Variants in DYNC1H1 observed in about 807,000 individuals in gnomAD.
The protein encoded by DYNC1H1 is dynein cytoplasmic 1 heavy chain 1, also known as cytoplasmic dynein 1 heavy chain 1.
A neutral mutation model predicts 527.1 loss-of-function variants in DYNC1H1; 51 were observed. That is an observed-to-expected ratio of 0.10 (90% CI 0.08 to 0.12). The LOEUF is 0.12. Among genes scored for constraint, DYNC1H1 ranks in the 10% least tolerant of loss-of-function variants. The pLI, the probability that DYNC1H1 is intolerant of heterozygous loss-of-function variation, is 1.00. For missense variants in DYNC1H1, 2,771 were observed against 5,971.8 expected, an observed-to-expected ratio of 0.46 and a Z score of 17.66; for synonymous variants, 2,189 against 2,278.8, an observed-to-expected ratio of 0.96 and a Z score of 1.12.
Position 101,997,419 on chromosome 14 carries a change from G to A in DYNC1H1, c.3804+145G>A. 1 of 1,423,820 alleles carries A rather than the reference G, an allele frequency of 7.0e-7. No homozygotes were observed. Among genetic ancestry groups the A allele is most frequent in the Non-Finnish European group, 9.5e-7 (1 of 1,049,268 alleles). 88.2% of individuals were successfully genotyped at this position (1,423,820 alleles called of 1,614,324 possible). A position where few individuals can be genotyped will look rare whatever the true frequency, so the allele number is the denominator to read the frequency against. The stretch of plus-strand genomic sequence containing the variant: ...CCTTTTTGTAGTTAAAAAAGCAGAT[G>A]GAGATAGCAAATGTGAAAATATGAA... On this transcript the variant is annotated intron_variant, in intron 16 of 77. Coordinates refer to ENST00000360184, the MANE Select transcript of DYNC1H1 (RefSeq NM_001376.5). The surrounding 1 kb of genome is among the most constrained non-coding windows in gnomAD (Gnocchi z 4.8).
rs1240215575 is a variant in DYNC1H1, at chr14:102,033,016, CCTTG to C, written c.10080-45_10080-42del. On this transcript the variant is annotated intron_variant, in intron 52 of 77. Transcript: ENST00000360184. The surrounding 1 kb of genome is among the most constrained non-coding windows in gnomAD (Gnocchi z 5.6). Reference sequence around the variant, plus strand: ...CCATTTTAATTTTATGAAAACTCTTCCTTGCTTTTGTCCTGCATGTGTTTAGAAA... The same window carrying C: ...CCATTTTAATTTTATGAAAACTCTTCCTTTTGTCCTGCATGTGTTTAGAAA... 5 of 1,573,964 alleles carry C rather than the reference CCTTG, an allele frequency of 3.2e-6. No homozygotes were observed. The highest frequency in any genetic ancestry group is 1.1e-5 in the South Asian group (1 of 90,114).
chr14:102,043,857 G>C lies in DYNC1H1; in HGVS notation c.12514-18G>C. On this transcript the variant is annotated intron_variant, in intron 69 of 77. Transcript: ENST00000360184. ...GCTGTTTTCTAATGACTCTGTGCTT[G>C]GTCACTTTCCTCACCAGTCTCCCAA... The C allele has an allele frequency of 6.2e-7, 1 of 1,614,116 alleles. No homozygotes were observed. Among genetic ancestry groups the C allele is most frequent in the South Asian group, 1.1e-5 (1 of 91,054 alleles).
At chr14:102,000,680 T>C (rs2048120535) in intron 18 of DYNC1H1, 1 of 496,874 alleles carries the variant, frequency 2.0e-6, no homozygotes, top group Admixed American at 3.2e-5. Context: ...GTTCAAGCGA[T>C]TCTCCTGCCT....
chr14:102,008,558 C>T (rs1229557111), intron 29 of DYNC1H1, among the ~76,000 whole-genome samples: 2 of 152,058 alleles, frequency 1.3e-5, no homozygotes, highest in African/African-American at 2.4e-5. Flanking sequence ...GAGGCTGAGG[C>T]GGACAGATCA....
Position 101,991,528 on chromosome 14 carries a change from A to G in DYNC1H1, c.2870A>G (p.Asn957Ser). Reference protein sequence around the residue: ...HKPGGEPKIKNVVHELRITNQ... With the variant: ...HKPGGEPKIKSVVHELRITNQ... ...AGAAATGAAACCTTTCTTTCACAGAATGTCGTTCATGAGCTAAGAATAACC... is the reference window on the plus strand; with the variant it reads ...AGAAATGAAACCTTTCTTTCACAGAGTGTCGTTCATGAGCTAAGAATAACC... Residue 957 changes from asparagine (N) to serine (S), a missense_variant and splice_region_variant, in exon 11 of 78, where the codon AAT (asparagine) becomes AGT (serine). Physicochemically the swap from Asn to Ser is conservative, Grantham distance 46. Coordinates refer to ENST00000360184, the MANE Select transcript of DYNC1H1 (RefSeq NM_001376.5). The G allele has an allele frequency of 6.2e-7, 1 of 1,614,236 alleles. No individual in the cohort carries two copies. Among genetic ancestry groups the G allele is most frequent in the Non-Finnish European group, 8.5e-7 (1 of 1,180,044 alleles).
chr14:101,992,668 G>A (rs1316084536), intron 11 of DYNC1H1, among the ~76,000 whole-genome samples: 3 of 151,988 alleles, frequency 2.0e-5, no homozygotes, highest in Non-Finnish European at 4.4e-5. Flanking sequence ...CCCTTCTCAG[G>A]CACTCATCCA....
chr14:101,972,562 C>T (rs933239009), intron 1 of DYNC1H1, among the ~76,000 whole-genome samples: 1 of 152,312 alleles, frequency 6.6e-6, no homozygotes, highest in East Asian at 1.9e-4. Context: ...AGAGCTGGAG[C>T]GCTCACCACA....
Position 102,028,045 on chromosome 14 carries a change from T to C in DYNC1H1, c.9372T>C (p.Asp3124=), listed in dbSNP as rs797045538. ...DLEKPNYIVP[D]YMPVVYDKLP... ...AGAAGCCAAATTACATCGTGCCTGATTACATGCCAGTTGTGTATGATAAGC... is the reference window on the plus strand; with the variant it reads ...AGAAGCCAAATTACATCGTGCCTGACTACATGCCAGTTGTGTATGATAAGC... Residue 3124 remains aspartate (D), a synonymous_variant, in exon 48 of 78, where the codon GAT becomes GAC. Transcript: ENST00000360184. 7 of 1,614,168 alleles carry C rather than the reference T, an allele frequency of 4.3e-6. No homozygotes were observed. The South Asian group carries it at 6.6e-5, about 15-fold the overall frequency.
In DYNC1H1 at chr14:102,042,295, C is replaced by T; in HGVS notation, c.12275+7C>T. 2 of 1,614,116 alleles carry T rather than the reference C, an allele frequency of 1.2e-6. No individual in the cohort carries two copies. Among genetic ancestry groups the T allele is most frequent in the Non-Finnish European group, 1.7e-6 (2 of 1,180,026 alleles). On this transcript the variant is annotated splice_region_variant and intron_variant, in intron 67 of 77. Coordinates refer to ENST00000360184, the MANE Select transcript of DYNC1H1 (RefSeq NM_001376.5). This position sits in a 1 kb window ranked among gnomAD's most constrained non-coding sequence, Gnocchi z 5.7. Reference sequence around the variant, plus strand: ...CCGCTGTAAAGTCGGGCAGGTAGGCCTGTTCTCTTTGGCTGAAGAAAGCCT... The same window carrying T: ...CCGCTGTAAAGTCGGGCAGGTAGGCTTGTTCTCTTTGGCTGAAGAAAGCCT...
chr14:101,995,724 G>T (rs1345932553), intron 15 of DYNC1H1, among the ~76,000 whole-genome samples: 1 of 151,952 alleles, frequency 6.6e-6, no homozygotes, highest in Non-Finnish European at 1.5e-5. Flanking sequence ...TCTTAGTATG[G>T]CCCACAGATC....
Position 102,039,421 on chromosome 14 carries a change from T to C in DYNC1H1, c.11470T>C (p.Leu3824=), listed in dbSNP as rs769995505. 1 of 1,614,262 alleles carries C rather than the reference T, an allele frequency of 6.2e-7. No homozygotes were observed. The highest frequency in any genetic ancestry group is 1.7e-5 in the Admixed American group (1 of 60,026). The part of the protein sequence containing the change: ...TMESLKQIHF[L]YQYSLQFFLD... ...CACTGCTTCCTTTCAGATACACTTC[T>C]TGTACCAGTACTCCCTCCAGTTTTT... Residue 3824 remains leucine (L), a synonymous_variant, in exon 61 of 78, where the codon TTG becomes CTG. Coordinates refer to ENST00000360184, the MANE Select transcript of DYNC1H1 (RefSeq NM_001376.5). This position sits in a 1 kb window ranked among gnomAD's most constrained non-coding sequence, Gnocchi z 7.0.
intron 1 of DYNC1H1, among the ~76,000 whole-genome samples, chr14:101,966,433 CTT>C (rs906261975): frequency 1.4e-5 from 2 of 148,144 alleles, no homozygotes; most frequent in Non-Finnish European, 3.0e-5. Context: ...TTTATCTACT[CTT>C]TTTTTTTTCC....
At position 102,015,394 on chromosome 14, in the gene DYNC1H1, C is replaced by T; in HGVS notation, c.7242+62C>T. On this transcript the variant is annotated intron_variant, in intron 35 of 77. Transcript: ENST00000360184. The surrounding 1 kb of genome is among the most constrained non-coding windows in gnomAD (Gnocchi z 6.9). ...GGGTGCTAGGATATTCAGATGTGGTCTCGCTGTGTTGCCCACGCTGGTCTT... is the reference window on the plus strand; with the variant it reads ...GGGTGCTAGGATATTCAGATGTGGTTTCGCTGTGTTGCCCACGCTGGTCTT... The T allele has an allele frequency of 2.6e-6, 4 of 1,519,654 alleles. No homozygotes were observed. Among genetic ancestry groups the T allele is most frequent in the Middle Eastern group, 4.4e-4 (2 of 4,532 alleles). The allele number at this position is 1,519,654 out of a possible 1,614,324, so 94.1% of individuals were successfully genotyped here. A position where few individuals can be genotyped will look rare whatever the true frequency, so the allele number is the denominator to read the frequency against.
chr14:101,971,652 A>G (rs2047740266), intron 1 of DYNC1H1, among the ~76,000 whole-genome samples: 1 of 152,128 alleles, frequency 6.6e-6, no homozygotes, highest in African/African-American at 2.4e-5. Context: ...TTGAGCCCAG[A>G]GAGGTCAAGG....
chr14:102,042,774 C>T lies in DYNC1H1; in HGVS notation c.12513+26C>T, dbSNP rs1444691586. On this transcript the variant is annotated intron_variant, in intron 69 of 77. Transcript: ENST00000360184. This position sits in a 1 kb window ranked among gnomAD's most constrained non-coding sequence, Gnocchi z 5.7. ...GTAAGTACCTTGTCCTCCTGGTATGCTTTCCCCATAGAAGCTAAAGCCCAG... is the reference window on the plus strand; with the variant it reads ...GTAAGTACCTTGTCCTCCTGGTATGTTTTCCCCATAGAAGCTAAAGCCCAG... 6.2e-7 allele frequency: 1 copy of T among 1,612,176 alleles called. No homozygotes were observed. The highest frequency in any genetic ancestry group is 1.1e-5 in the South Asian group (1 of 90,786).
rs374949863 is a variant in DYNC1H1 at position 102,001,514 on chromosome 14, A to G, written c.4396-21A>G. The G allele has an allele frequency of 6.8e-6, 11 of 1,614,048 alleles. No individual in the cohort carries two copies. The highest frequency in any genetic ancestry group is 1.7e-5 in the Admixed American group (1 of 59,998). Reference sequence around the variant, plus strand: ...GAATGCCCACATATTGATAACATGCATCTTTCTGGTTTGAATTCAGATAAG... The same window carrying G: ...GAATGCCCACATATTGATAACATGCGTCTTTCTGGTTTGAATTCAGATAAG... On this transcript the variant is annotated intron_variant, in intron 20 of 77. Coordinates refer to ENST00000360184, the MANE Select transcript of DYNC1H1 (RefSeq NM_001376.5). The surrounding 1 kb of genome is among the most constrained non-coding windows in gnomAD (Gnocchi z 5.0).
In DYNC1H1 at chr14:101,995,072, G is replaced by T. The variant is rs144002471; in HGVS notation, c.3420G>T (p.Thr1140=). Residue 1140 remains threonine, a synonymous_variant, in exon 14 of 78, where the codon ACG becomes ACT. Coordinates refer to ENST00000360184, the MANE Select transcript of DYNC1H1 (RefSeq NM_001376.5). ...GGCAGATGCTAGGATCAAACATGAC[G>T]GAATTCCATTCCCAGATCTCAAAGG... ...KFGQMLGSNM[T]EFHSQISKSR... is the part of the protein sequence containing the mutation. The T allele has an allele frequency of 6.2e-7, 1 of 1,614,148 alleles. No individual in the cohort carries two copies. The highest frequency in any genetic ancestry group is 1.7e-5 in the Admixed American group (1 of 60,014).
At chr14:101,976,683 T>A (rs1483256982) in intron 2 of DYNC1H1, among the ~76,000 whole-genome samples, 1 of 152,214 alleles carries the variant, frequency 6.6e-6, no homozygotes, top group East Asian at 1.9e-4. Context: ...TTAGTTGCCA[T>A]ATCATGGCAT....
At position 102,040,368 on chromosome 14, in the gene DYNC1H1, T is replaced by G. The variant is rs368243780; in HGVS notation, c.11823T>G (p.Leu3941=). ...QAEAVVRLSC[L]PAFKDLIAKV... is the part of the protein sequence containing the mutation. ...AGGCGGTGGTGAGGCTGAGCTGCCT[T>G]CCCGCGTTTAAGGACTTGATTGCAA... is the stretch of plus-strand genomic sequence containing the variant. Residue 3941 remains leucine, a synonymous_variant, in exon 63 of 78, where the codon CTT becomes CTG. Coordinates refer to ENST00000360184, the MANE Select transcript of DYNC1H1 (RefSeq NM_001376.5). The G allele has an allele frequency of 7.4e-6, 12 of 1,614,064 alleles. No homozygotes were observed. In the African/African-American group the frequency reaches 8.0e-5, roughly 11 times the overall value.
Sources: allele counts gnomAD v4.1 joint callset (sites outside exome capture counted in the v4.1 genomes callset), GRCh38; gene constraint gnomAD v4.1.1; non-coding constraint Gnocchi (gnomAD v3.1); transcripts MANE v1.5; gene names NCBI Gene and HGNC (gene_info 2026-07-23, HGNC 2026-07-21).